CRACDL: variants seen among roughly 807,000 people sequenced by gnomAD.
CRACDL encodes the protein CRACD like, also known as CRACD-like protein.
In CRACDL, 26 loss-of-function variants were observed where a neutral mutation model predicts 70.6. The observed-to-expected ratio is 0.37, with a 90% CI of 0.27 to 0.51. The LOEUF (loss-of-function observed/expected upper bound fraction) is 0.51, where lower values mean the gene tolerates loss of function less well. Ranked by LOEUF, CRACDL falls within the 20% of genes least tolerant of loss-of-function variation. The pLI is 0.94. For synonymous variants in CRACDL, 618 were observed against 615.2 expected, an observed-to-expected ratio of 1.00 and a Z score of -0.07; for missense variants, 1,283 against 1,376.9, an observed-to-expected ratio of 0.93 and a Z score of 1.08.
intron 5 of CRACDL, among the ~76,000 whole-genome samples, chr2:98,830,956 A>T (rs1340789940): frequency 1.3e-5 from 2 of 152,108 alleles, no homozygotes; most frequent in Non-Finnish European, 2.9e-5. Context: ...CTCATGACAG[A>T]CCTCTTCCTA....
chr2:98,934,431 G>A (rs892821296), intron 1 of CRACDL, among the ~76,000 whole-genome samples: 3 of 152,032 alleles, frequency 2.0e-5, no homozygotes, highest in Non-Finnish European at 4.4e-5. Context: ...CTGACCTCAG[G>A]CAATCCACCT....
At chr2:98,899,777 G>T (rs777652903) in intron 1 of CRACDL, among the ~76,000 whole-genome samples, 3 of 152,008 alleles carry the variant, frequency 2.0e-5, no homozygotes, top group Non-Finnish European at 4.4e-5. Context: ...GTGGACAGAG[G>T]CTCAGCAGGA....
Position 98,797,453 on chromosome 2 carries a change from C to A in CRACDL, c.2501G>T (p.Arg834Leu), listed in dbSNP as rs779437146. The A allele has an allele frequency of 6.2e-7, 1 of 1,614,126 alleles. No homozygotes were observed. The highest frequency in any genetic ancestry group is 8.5e-7 in the Non-Finnish European group (1 of 1,180,056). ...PPWITVTRQK[R>L]RGTLDQPPNQ... ...GGGTGGCTGGTCCAAGGTCCCCCTC[C>A]GCTTCTGCCGAGTGACGGTGATCCA... The change falls in exon 8 of 10, where the codon CGG becomes CTG. Residue 834 changes from arginine (R) to leucine (L), a missense_variant. By Grantham distance (102) the Arg-to-Leu change is moderately radical. This residue lies in a region of CRACDL where 921 missense variants were observed against 881.9 expected (regional missense o/e 1.04). Coordinates refer to ENST00000397899, the MANE Select transcript of CRACDL (RefSeq NM_207362.3).
In CRACDL at chr2:98,827,144, A is replaced by C. The variant is rs532336468; in HGVS notation, c.566T>G (p.Val189Gly). 15 of 1,614,134 alleles carry C rather than the reference A, an allele frequency of 9.3e-6. No individual in the cohort carries two copies. The African/African-American group carries it at 1.6e-4, about 17-fold the overall frequency. ...IKVSVVSPDH[V>G]SDSTVSARIS... ...CCGGGCAGAGACGGTGCTGTCGCTC[A>C]CGTGGTCTGGAGACACGACAGAGAC... Residue 189 changes from valine to glycine, a missense_variant, in exon 6 of 10, where the codon GTG (valine) becomes GGG (glycine). Val to Gly is a moderately radical substitution (Grantham distance 109, BLOSUM62 -3). Around this residue, in one of 2 missense-constraint regions of CRACDL, gnomAD observed 362 missense variants for 495.0 expected, o/e 0.73. Coordinates refer to ENST00000397899, the MANE Select transcript of CRACDL (RefSeq NM_207362.3).
At chr2:98,849,016 C>G (rs1036470481) in intron 1 of CRACDL, among the ~76,000 whole-genome samples, 1 of 152,220 alleles carries the variant, frequency 6.6e-6, no homozygotes, top group Non-Finnish European at 1.5e-5. Context: ...GATACAGTGA[C>G]AGATGAGACC....
At chr2:98,900,884 C>A (rs1708261288) in intron 1 of CRACDL, among the ~76,000 whole-genome samples, 1 of 152,282 alleles carries the variant, frequency 6.6e-6, no homozygotes, top group African/African-American at 2.4e-5. Flanking sequence ...TCCAGTGTGG[C>A]TGCGGGAGGG....
intron 7 of CRACDL, among the ~76,000 whole-genome samples, chr2:98,809,945 C>T (rs1362221245): frequency 6.6e-6 from 1 of 152,210 alleles, no homozygotes; most frequent in Non-Finnish European, 1.5e-5. Context: ...CAAGACTCAA[C>T]TTGCTCAGAA....
chr2:98,801,622 C>A (rs757300901), intron 7 of CRACDL, among the ~76,000 whole-genome samples: 1 of 152,170 alleles, frequency 6.6e-6, no homozygotes, highest in East Asian at 1.9e-4. Flanking sequence ...GTGAAATATC[C>A]ACTGTCTATA....
At chr2:98,869,399 C>T (rs1165955069) in intron 1 of CRACDL, 6 of 643,590 alleles carry the variant, frequency 9.3e-6, no homozygotes, top group Non-Finnish European at 1.1e-5. Flanking sequence ...CTTCCGCCTT[C>T]CACTCCAAGC....
chr2:98,836,149 C>T (rs1022170099), intron 3 of CRACDL, among the ~76,000 whole-genome samples: 1 of 152,158 alleles, frequency 6.6e-6, no homozygotes, highest in Non-Finnish European at 1.5e-5. Context: ...AAAAGGAAAT[C>T]GTTATAGATT....
intron 1 of CRACDL, among the ~76,000 whole-genome samples, chr2:98,895,572 C>T (rs1393577975): frequency 6.6e-6 from 1 of 152,024 alleles, no homozygotes; most frequent in African/African-American, 2.4e-5. Flanking sequence ...GTTTTGAGAG[C>T]TGGATTAGGG....
intron 1 of CRACDL, among the ~76,000 whole-genome samples, chr2:98,862,482 G>C (rs1706979879): frequency 6.6e-6 from 1 of 152,134 alleles, no homozygotes; most frequent in African/African-American, 2.4e-5. Flanking sequence ...ACTAGACAAA[G>C]ACTTTAAAAC....
chr2:98,867,925 C>T (rs1276612077), intron 1 of CRACDL, among the ~76,000 whole-genome samples: 1 of 152,198 alleles, frequency 6.6e-6, no homozygotes, highest in African/African-American at 2.4e-5. Context: ...GACATTTCTG[C>T]AGCACAGCAG....
intron 1 of CRACDL, among the ~76,000 whole-genome samples, chr2:98,910,897 C>A (rs1235449974): frequency 6.6e-6 from 1 of 152,228 alleles, no homozygotes; most frequent in African/African-American, 2.4e-5. Context: ...GTGTTGAGCT[C>A]AAGGTTGCAG....
intron 1 of CRACDL, among the ~76,000 whole-genome samples, chr2:98,885,907 G>A (rs750747620): frequency 7.6e-6 from 1 of 131,910 alleles, no homozygotes; most frequent in Non-Finnish European, 1.6e-5. Flanking sequence ...TGAAAATAAT[G>A]AGAAAACTGG....
At chr2:98,866,159 T>C (rs778103701) in intron 1 of CRACDL, among the ~76,000 whole-genome samples, 1 of 152,172 alleles carries the variant, frequency 6.6e-6, no homozygotes, top group Non-Finnish European at 1.5e-5. Context: ...AGATGCTAAA[T>C]GACAGAGCTC....
intron 1 of CRACDL, among the ~76,000 whole-genome samples, chr2:98,880,955 T>C (rs1208686065): frequency 1.3e-5 from 2 of 152,166 alleles, no homozygotes; most frequent in Admixed American, 1.3e-4. Context: ...TTTTAATAGC[T>C]TGAGGGGCTG....
At chr2:98,904,072 CG>C (rs934363439) in intron 1 of CRACDL, among the ~76,000 whole-genome samples, 2 of 152,188 alleles carry the variant, frequency 1.3e-5, no homozygotes, top group African/African-American at 4.8e-5. Context: ...TTGGAGTTCC[CG>C]TCAGCCTCAA....
intron 1 of CRACDL, among the ~76,000 whole-genome samples, chr2:98,875,412 C>A (rs1310138515): frequency 6.6e-6 from 1 of 152,262 alleles, no homozygotes; most frequent in African/African-American, 2.4e-5. Flanking sequence ...CAACTCCCAG[C>A]TGTGTCATCT....
Sources: gnomAD v4.1 joint callset for allele counts (sites outside exome capture counted in the v4.1 genomes callset) on GRCh38, gnomAD v4.1.1 for gene constraint, gnomAD v4.1.1 regional missense constraint, MANE v1.5 for transcripts, NCBI Gene and HGNC (gene_info 2026-07-23, HGNC 2026-07-21) for gene names.